Variants in NEK1 observed in about 807,000 individuals in gnomAD.
The protein encoded by NEK1 is NIMA related kinase 1, also known as serine/threonine-protein kinase Nek1.
In NEK1, 137 loss-of-function variants were observed where a neutral mutation model predicts 182.1. That is an observed-to-expected ratio of 0.75 (90% CI 0.65 to 0.87). The LOEUF (loss-of-function observed/expected upper bound fraction) is 0.87. NEK1 is among the 40% of genes least tolerant of loss of function. The pLI, the probability that NEK1 is intolerant of heterozygous loss-of-function variation, is 0.00. For missense variants in NEK1, 1,391 were observed against 1,494.4 expected, an observed-to-expected ratio of 0.93 and a Z score of 1.14; for synonymous variants, 513 against 492.2, an observed-to-expected ratio of 1.04 and a Z score of -0.56.
intron 19 of NEK1, among the ~76,000 whole-genome samples, chr4:169,532,464 T>C (rs557016727): frequency 6.6e-6 from 1 of 152,318 alleles, no homozygotes; most frequent in Admixed American, 6.5e-5. Flanking sequence ...ATGTAAACTA[T>C]GGACTTTGAG....
Position 169,561,512 on chromosome 4 carries a change from C to G in NEK1, c.1234G>C (p.Val412Leu), listed in dbSNP as rs1490821606. The G allele has an allele frequency of 6.2e-7, 1 of 1,613,600 alleles. No homozygotes were observed. The highest frequency in any genetic ancestry group is 1.7e-5 in the Admixed American group (1 of 60,024). The change falls in exon 16 of 36, where the codon GTG (valine) becomes CTG (leucine). Residue 412 changes from valine (V) to leucine (L), a missense_variant. Val to Leu is a conservative substitution (Grantham distance 32). This residue lies in a region of NEK1 where 1,216 missense variants were observed against 1,277.6 expected (regional missense o/e 0.95). Coordinates refer to ENST00000507142, the MANE Select transcript of NEK1 (RefSeq NM_001199397.3). Reference sequence around the variant, plus strand: ...TCACCACTTCCACCAGCACTTAGCACATTTCTCCATCCTTGTTCCCTGGCC... The same window carrying G: ...TCACCACTTCCACCAGCACTTAGCAGATTTCTCCATCCTTGTTCCCTGGCC... ...NRAREQGWRNVLSAGGSGEVK... is the reference protein window; with the variant it reads ...NRAREQGWRNLLSAGGSGEVK...
rs558441262 is a variant in NEK1 at position 169,531,088 on chromosome 4, A to T, written c.1665+6721T>A. Among the ~76,000 whole-genome samples the T allele has an allele frequency of 3.5e-4, 53 of 152,032 alleles. No individual in the cohort carries two copies. In the East Asian group the frequency reaches 0.01, roughly 29 times the overall value. Reference sequence around the variant, plus strand: ...AGAATATTGGCATTTAAAGACTGAGAAGAAAATAATTCTATAGAAGGCATT... The same window carrying T: ...AGAATATTGGCATTTAAAGACTGAGTAGAAAATAATTCTATAGAAGGCATT... On this transcript the variant is annotated intron_variant, in intron 19 of 35. Coordinates refer to ENST00000507142, the MANE Select transcript of NEK1 (RefSeq NM_001199397.3).
intron 19 of NEK1, among the ~76,000 whole-genome samples, chr4:169,524,975 C>A (rs1756676231): frequency 6.6e-6 from 1 of 152,090 alleles, no homozygotes; most frequent in African/African-American, 2.4e-5. Flanking sequence ...TACTATCTGG[C>A]CCTTTACAGA....
Position 169,555,853 on chromosome 4 carries a change from T to C in NEK1, c.1431-2A>G, listed in dbSNP as rs779794716. 1.9e-6 allele frequency: 3 copies of C among 1,613,948 alleles called. No individual in the cohort carries two copies. Among genetic ancestry groups the C allele is most frequent in the African/African-American group, 1.3e-5 (1 of 75,044 alleles). On this transcript the variant is annotated splice_acceptor_variant, in intron 17 of 35. Transcript: ENST00000507142. LOFTEE classifies it high-confidence loss of function. ...GGACGAACTCCAGGCAGAATTCCTC[T>C]GTAGATAAATATGCACAGTGACTTT...
chr4:169,504,374 C>T (rs759286698), intron 23 of NEK1, among the ~76,000 whole-genome samples: 5 of 152,164 alleles, frequency 3.3e-5, no homozygotes, highest in Non-Finnish European at 7.4e-5. Flanking sequence ...AGCAATCCCA[C>T]TGCTAGGTAT....
At chr4:169,450,768 G>C (rs904221300) in intron 27 of NEK1, among the ~76,000 whole-genome samples, 5 of 152,198 alleles carry the variant, frequency 3.3e-5, no homozygotes, top group Non-Finnish European at 7.3e-5. Context: ...AAAATAAACA[G>C]TGAACATCAT....
chr4:169,472,407 C>A (rs974284965), intron 26 of NEK1, among the ~76,000 whole-genome samples: 1 of 152,116 alleles, frequency 6.6e-6, no homozygotes, highest in East Asian at 1.9e-4. Flanking sequence ...CAACCCCTTG[C>A]GCTTCCCAGG....
chr4:169,592,028 C>T (rs1011638644), intron 5 of NEK1, among the ~76,000 whole-genome samples: 4 of 151,428 alleles, frequency 2.6e-5, no homozygotes, highest in African/African-American at 7.3e-5. Context: ...TACTAAACTC[C>T]CTCACAAATT....
intron 19 of NEK1, among the ~76,000 whole-genome samples, chr4:169,535,983 T>C (rs995259421): frequency 6.0e-5 from 9 of 150,094 alleles, no homozygotes; most frequent in Non-Finnish European, 1.5e-5. Context: ...TGAACCCCTA[T>C]ACAAAATAAA....
chr4:169,608,934 G>A (rs1771847210), intron 2 of NEK1, among the ~76,000 whole-genome samples: 1 of 151,718 alleles, frequency 6.6e-6, no homozygotes, highest in Non-Finnish European at 1.5e-5. Context: ...GGTGGTGCAG[G>A]CCTGTAATCC....
chr4:169,504,664 T>C (rs1326435747), intron 23 of NEK1, among the ~76,000 whole-genome samples: 2 of 152,178 alleles, frequency 1.3e-5, no homozygotes, highest in African/African-American at 4.8e-5. Context: ...TTTCACTTAT[T>C]TGTGGAAACT....
intron 32 of NEK1, among the ~76,000 whole-genome samples, chr4:169,402,980 T>G (rs1422028713): frequency 6.6e-6 from 1 of 152,178 alleles, no homozygotes; most frequent in African/African-American, 2.4e-5. Context: ...AAGGCAATGC[T>G]TAACAGGACA....
rs147335675 is a variant in NEK1 at position 169,393,283 on chromosome 4, T to A, written c.*1227A>T. Reference sequence around the variant, plus strand: ...AGACAATTGATATACTTCAGGTAGATAATAAAAATTTAATAGCAATATCAT... The same window carrying A: ...AGACAATTGATATACTTCAGGTAGAAAATAAAAATTTAATAGCAATATCAT... On this transcript the variant is annotated 3_prime_UTR_variant, in exon 36 of 36. Coordinates refer to ENST00000507142, the MANE Select transcript of NEK1 (RefSeq NM_001199397.3). The A allele has an allele frequency of 1.8e-4, 27 of 152,292 alleles. No individual in the cohort carries two copies. Among genetic ancestry groups the A allele is most frequent in the Admixed American group, 1.4e-3 (22 of 15,298 alleles). 9.4% of individuals were successfully genotyped at this position (152,292 alleles called of 1,614,324 possible).
chr4:169,402,715 C>T (rs1215948666), intron 32 of NEK1, among the ~76,000 whole-genome samples: 2 of 152,070 alleles, frequency 1.3e-5, no homozygotes, highest in African/African-American at 4.8e-5. Flanking sequence ...AAACTATGAA[C>T]CAAAATGTTT....
At position 169,426,389 on chromosome 4, in the gene NEK1, A is replaced by C. The variant is rs143112624; in HGVS notation, c.2886-155T>G. Among the ~76,000 whole-genome samples, 789 of 152,286 alleles carry C rather than the reference A, an allele frequency of 5.2e-3. 9 individuals carry two copies. Among genetic ancestry groups the C allele is most frequent in the African/African-American group, 0.018 (729 of 41,550 alleles). ...CACTTTCATATATACTTTCTCACATAAGTACAATGTATTTTTCACCCTGTT... is the reference window on the plus strand; with the variant it reads ...CACTTTCATATATACTTTCTCACATCAGTACAATGTATTTTTCACCCTGTT... On this transcript the variant is annotated intron_variant, in intron 29 of 35. Transcript: ENST00000507142.
chr4:169,418,637 T>C (rs1239691861), intron 31 of NEK1, among the ~76,000 whole-genome samples: 2 of 152,106 alleles, frequency 1.3e-5, no homozygotes, highest in African/African-American at 4.8e-5. Context: ...AATAGTATAT[T>C]ATTGCAGAAA....
At chr4:169,508,912 C>A in intron 19 of NEK1, 60 bp from the exon 20 acceptor site, 2 of 1,330,656 alleles carry the variant, frequency 1.5e-6, no homozygotes, top group South Asian at 1.3e-5. Context: ...ATTATCTTAC[C>A]AAGGAATATC....
chr4:169,400,550 T>G lies in NEK1; in HGVS notation c.3685A>C (p.Lys1229Gln). 2 of 1,605,524 alleles carry G rather than the reference T, an allele frequency of 1.2e-6. No homozygotes were observed. Among genetic ancestry groups the G allele is most frequent in the Non-Finnish European group, 1.7e-6 (2 of 1,177,100 alleles). The change falls in exon 34 of 36, where the codon AAA becomes CAA. Residue 1229 changes from lysine (K) to glutamine (Q), a missense_variant. By Grantham distance (53) the Lys-to-Gln change is moderately conservative. This residue lies in a region of NEK1 where 1,216 missense variants were observed against 1,277.6 expected (regional missense o/e 0.95). Coordinates refer to ENST00000507142, the MANE Select transcript of NEK1 (RefSeq NM_001199397.3). ...ATTTTCTCATAAACCTCAAAGAATTTTTCAAAGCCCATTTCCTGCTCCAGA... is the reference window on the plus strand; with the variant it reads ...ATTTTCTCATAAACCTCAAAGAATTGTTCAAAGCCCATTTCCTGCTCCAGA... The part of the protein sequence containing the change: ...LHLEQEMGFE[K>Q]FFEVYEKIKA...
chr4:169,394,452 C>A lies in NEK1; in HGVS notation c.*58G>T. On this transcript the variant is annotated 3_prime_UTR_variant, in exon 36 of 36. Transcript: ENST00000507142. Reference sequence around the variant, plus strand: ...GTATTTCCCACTGAAGCTTGTTATTCTGATAAGCCAAATTCAAATGCTTTC... The same window carrying A: ...GTATTTCCCACTGAAGCTTGTTATTATGATAAGCCAAATTCAAATGCTTTC... The A allele has an allele frequency of 3.6e-6, 4 of 1,124,242 alleles. No homozygotes were observed. The South Asian group carries it at 5.9e-5, about 16-fold the overall frequency. 69.6% of individuals were successfully genotyped at this position (1,124,242 alleles called of 1,614,324 possible).
Sources: gnomAD v4.1 joint callset for allele counts (sites outside exome capture counted in the v4.1 genomes callset) on GRCh38, gnomAD v4.1.1 for gene constraint, gnomAD v4.1.1 regional missense constraint, MANE v1.5 for transcripts, NCBI Gene and HGNC (gene_info 2026-07-23, HGNC 2026-07-21) for gene names.